Variants in JPH2 observed in about 807,000 individuals in gnomAD.
JPH2 encodes the protein junctophilin 2.
A neutral mutation model predicts 55.9 loss-of-function variants in JPH2; 38 were observed. The ratio of observed to expected loss-of-function variants is 0.68; its 90% CI spans 0.52 to 0.89. JPH2 has a LOEUF of 0.89. JPH2 is among the 40% of genes least tolerant of loss of function. The pLI is 0.00. For synonymous variants in JPH2, 480 were observed against 472.4 expected, an observed-to-expected ratio of 1.02 and a Z score of -0.21; for missense variants, 964 against 1,037.6, an observed-to-expected ratio of 0.93 and a Z score of 0.97.
rs563761008 is a variant in JPH2, at chr20:44,174,251, G to T, written c.379+12076C>A. ...CACAGCCCAGGAGTAGCTCAGCTGG[G>T]ACTGAAGAACAGGTCCCTTGCCTCA... On this transcript the variant is annotated intron_variant, in intron 1 of 5. Transcript: ENST00000372980. Among the ~76,000 whole-genome samples, 5 of 152,284 alleles carry T rather than the reference G, an allele frequency of 3.3e-5. No homozygotes were observed. In the East Asian group the frequency reaches 9.7e-4, roughly 29 times the overall value.
At chr20:44,174,885 C>G (rs1306310871) in intron 1 of JPH2, among the ~76,000 whole-genome samples, 1 of 152,096 alleles carries the variant, frequency 6.6e-6, no homozygotes, top group Non-Finnish European at 1.5e-5. Flanking sequence ...CCCAGCTACT[C>G]AGGAGGCTGA....
chr20:44,121,804 T>C (rs2072239099), intron 2 of JPH2, among the ~76,000 whole-genome samples: 1 of 151,506 alleles, frequency 6.6e-6, no homozygotes, highest in South Asian at 2.1e-4. Flanking sequence ...CTAAGCAACA[T>C]ACCAAGACCT....
rs372785640 is a variant in JPH2, at chr20:44,140,123, G to A, written c.1169+19495C>T. ...CCTGACCTCGTGATCTGCCCGCCTCGGCCTCCCAAAGTGCTAGGATTACAG... is the reference window on the plus strand; with the variant it reads ...CCTGACCTCGTGATCTGCCCGCCTCAGCCTCCCAAAGTGCTAGGATTACAG... On this transcript the variant is annotated intron_variant, in intron 2 of 5. Transcript: ENST00000372980. 2.3e-4 allele frequency among the ~76,000 whole-genome samples: 35 copies of A among 152,216 alleles called. No homozygotes were observed. The South Asian group carries it at 5.8e-3, about 25-fold the overall frequency.
At chr20:44,139,088 G>A (rs947184770) in intron 2 of JPH2, among the ~76,000 whole-genome samples, 1 of 152,178 alleles carries the variant, frequency 6.6e-6, no homozygotes, top group Non-Finnish European at 1.5e-5. Context: ...AGTAACAATA[G>A]CTGCCCATGA....
At chr20:44,168,034 G>A (rs1227018887) in intron 1 of JPH2, among the ~76,000 whole-genome samples, 2 of 152,162 alleles carry the variant, frequency 1.3e-5, no homozygotes, top group African/African-American at 2.4e-5. Flanking sequence ...GAGTGGGGAG[G>A]GTGGGTTGAA....
At chr20:44,146,526 T>C (rs558028173) in intron 2 of JPH2, among the ~76,000 whole-genome samples, 22 of 152,306 alleles carry the variant, frequency 1.4e-4, no homozygotes, top group South Asian at 4.2e-4. Context: ...GTCCATCTGG[T>C]AATTCACAAA....
intron 1 of JPH2, among the ~76,000 whole-genome samples, chr20:44,170,979 T>C (rs1050568373): frequency 6.6e-6 from 1 of 152,226 alleles, no homozygotes; most frequent in African/African-American, 2.4e-5. Context: ...CCCTCGATGA[T>C]GACAGTAGTA....
intron 2 of JPH2, among the ~76,000 whole-genome samples, chr20:44,134,614 T>TATA (rs369310397): frequency 4.1e-3 from 16 of 3,868 alleles, no homozygotes; most frequent in Non-Finnish European, 5.0e-3. Flanking sequence ...ATTATAAATA[T>TATA]AATAAATATA....
At chr20:44,122,808 T>A (rs906230918) in intron 2 of JPH2, among the ~76,000 whole-genome samples, 1 of 152,104 alleles carries the variant, frequency 6.6e-6, no homozygotes, top group African/African-American at 2.4e-5. Flanking sequence ...TACATGCATA[T>A]CCCCAGGCTT....
chr20:44,151,475 C>A (rs1216955862), intron 2 of JPH2, among the ~76,000 whole-genome samples: 2 of 152,076 alleles, frequency 1.3e-5, no homozygotes, highest in Non-Finnish European at 2.9e-5. Context: ...CGAGATCATG[C>A]CATTGCACTC....
intron 1 of JPH2, among the ~76,000 whole-genome samples, chr20:44,173,149 C>G (rs916639186): frequency 1.3e-5 from 2 of 152,166 alleles, no homozygotes; most frequent in African/African-American, 4.8e-5. Flanking sequence ...CCTCTTTACT[C>G]AGTGACCAAA....
intron 2 of JPH2, among the ~76,000 whole-genome samples, chr20:44,152,702 C>A (rs1168770106): frequency 6.6e-6 from 1 of 152,214 alleles, no homozygotes; most frequent in Non-Finnish European, 1.5e-5. Flanking sequence ...ACCTGTGTCC[C>A]CCATGGTGTG....
chr20:44,115,959 G>C lies in JPH2; in HGVS notation c.1716C>G (p.Arg572=). The C allele has an allele frequency of 6.4e-7, 1 of 1,572,652 alleles. No homozygotes were observed. ...AGGGTGGGGGCTCGGGCGGCGTGGT[G>C]CGCACAGCATAGCTGTGGTAGCCCT... ...LYQGYHSYAV[R]TTPPEPPPFE... Residue 572 remains arginine (R), a synonymous_variant, in exon 4 of 6, where the codon CGC becomes CGG. Coordinates refer to ENST00000372980, the MANE Select transcript of JPH2 (RefSeq NM_020433.5).
intron 1 of JPH2, among the ~76,000 whole-genome samples, chr20:44,166,939 G>C (rs977193934): frequency 1.3e-5 from 2 of 152,110 alleles, no homozygotes; most frequent in African/African-American, 4.8e-5. Flanking sequence ...AACCTGGCAG[G>C]GGCCGCCCCT....
At chr20:44,162,789 C>T (rs2223640) in intron 1 of JPH2, among the ~76,000 whole-genome samples, 703 of 45,602 alleles carry the variant, frequency 0.015, no homozygotes, top group Middle Eastern at 0.03. Context: ...TATATATATA[C>T]ACACACACAC....
chr20:44,118,618 C>T lies in JPH2; in HGVS notation c.1175G>A (p.Ser392Asn), dbSNP rs148621426. 5.6e-6 allele frequency: 9 copies of T among 1,608,842 alleles called. No homozygotes were observed. The highest frequency in any genetic ancestry group is 1.6e-4 in the Middle Eastern group (1 of 6,076). ...QKAEIAASRT[S>N]HAKAKAEAAE... ...TGCCTCAGCTTTGGCCTTGGCGTGG[C>T]TTGTCCTATGGAGACAATGTGGCAG... The change falls in exon 3 of 6, where the codon AGC becomes AAC. Residue 392 changes from serine to asparagine, a missense_variant. Ser to Asn is a conservative substitution (Grantham distance 46). Transcript: ENST00000372980.
At chr20:44,145,259 G>A (rs1221148632) in intron 2 of JPH2, among the ~76,000 whole-genome samples, 3 of 152,154 alleles carry the variant, frequency 2.0e-5, no homozygotes, top group Non-Finnish European at 2.9e-5. Flanking sequence ...TTTTTCTCCC[G>A]AAGGTGCAGG....
chr20:44,149,682 A>G (rs543825430), intron 2 of JPH2, among the ~76,000 whole-genome samples: 10 of 152,312 alleles, frequency 6.6e-5, no homozygotes, highest in Middle Eastern at 6.8e-3. Context: ...AGTACTTAAG[A>G]ACTGGAAGAT....
chr20:44,145,198 C>T (rs566935948), intron 2 of JPH2, among the ~76,000 whole-genome samples: 9 of 152,322 alleles, frequency 5.9e-5, no homozygotes, highest in Admixed American at 3.9e-4. Flanking sequence ...GGAGCAGGGC[C>T]AGGCACTGGT....
Sources: gnomAD v4.1 joint callset for allele counts (sites outside exome capture counted in the v4.1 genomes callset) on GRCh38, gnomAD v4.1.1 for gene constraint, MANE v1.5 for transcripts, NCBI Gene and HGNC (gene_info 2026-07-23, HGNC 2026-07-21) for gene names.